Variants in BAP1 observed in about 807,000 individuals in gnomAD.
The protein encoded by BAP1 is ubiquitin carboxyl-terminal hydrolase BAP1.
In BAP1, 16 loss-of-function variants were observed where a neutral mutation model predicts 77.2. That is an observed-to-expected ratio of 0.21 (90% CI 0.14 to 0.31). BAP1 has a LOEUF of 0.31. BAP1 is among the 10% of genes least tolerant of loss of function. The pLI, the probability that BAP1 is intolerant of heterozygous loss-of-function variation, is 1.00. For missense variants in BAP1, 699 were observed against 967.3 expected, an observed-to-expected ratio of 0.72 and a Z score of 3.68; for synonymous variants, 362 against 385.2, an observed-to-expected ratio of 0.94 and a Z score of 0.71.
Position 52,406,922 on chromosome 3 carries a change from G to T in BAP1, c.581-15C>A. The T allele has an allele frequency of 6.4e-7, 1 of 1,567,258 alleles. No homozygotes were observed. ...CCCCCAGGGCCCTAGTGGAGACCAAGACAAGGAATCAGCGAGAAGGAAACC... is the reference window on the plus strand; with the variant it reads ...CCCCCAGGGCCCTAGTGGAGACCAATACAAGGAATCAGCGAGAAGGAAACC... On this transcript the variant is annotated splice_polypyrimidine_tract_variant and intron_variant, in intron 7 of 16. Transcript: ENST00000460680. The surrounding 1 kb of genome is among the most constrained non-coding windows in gnomAD (Gnocchi z 4.6).
Position 52,405,778 on chromosome 3 carries a change from C to G in BAP1, c.918G>C (p.Glu306Asp), listed in dbSNP as rs1245360859. Reference protein sequence around the residue: ...LEANRAPAASEGNHTDGAEEA... With the variant: ...LEANRAPAASDGNHTDGAEEA... ...ACCCCCCAGTACCTGTGTGGTTGCC[C>G]TCAGAGGCTGCAGGGGCCCTGTTTG... The change falls in exon 10 of 17, where the codon GAG becomes GAC. Residue 306 changes from glutamate to aspartate, a missense_variant. By Grantham distance (45) the Glu-to-Asp change is conservative (BLOSUM62 2). This residue lies in a region of BAP1 where 475 missense variants were observed against 532.4 expected (regional missense o/e 0.89). Coordinates refer to ENST00000460680, the MANE Select transcript of BAP1 (RefSeq NM_004656.4). 2 of 1,613,342 alleles carry G rather than the reference C, an allele frequency of 1.2e-6. No individual in the cohort carries two copies.
rs755915077 is a variant in BAP1 at position 52,402,819 on chromosome 3, G to A, written c.1943C>T (p.Ala648Val). 6.2e-6 allele frequency: 10 copies of A among 1,614,028 alleles called. No individual in the cohort carries two copies. Among genetic ancestry groups the A allele is most frequent in the African/African-American group, 2.7e-5 (2 of 74,894 alleles). ...CVEAEIANYE[A>V]CLKEEVEKRK... ...CTTCTCTACCTCCTCCTTGAGGCACGCCTCATAGTTTGCAATCTCAGCCTC... is the reference window on the plus strand; with the variant it reads ...CTTCTCTACCTCCTCCTTGAGGCACACCTCATAGTTTGCAATCTCAGCCTC... Residue 648 changes from alanine to valine, a missense_variant, in exon 15 of 17, where the codon GCG becomes GTG. By Grantham distance (64) the Ala-to-Val change is moderately conservative. Coordinates refer to ENST00000460680, the MANE Select transcript of BAP1 (RefSeq NM_004656.4). The surrounding 1 kb of genome is among the most constrained non-coding windows in gnomAD (Gnocchi z 5.3).
rs1705322208 is a variant in BAP1 at position 52,409,914 on chromosome 3, G to A, written c.-36C>T. 2 of 1,600,950 alleles carry A rather than the reference G, an allele frequency of 1.2e-6. No homozygotes were observed. The highest frequency in any genetic ancestry group is 1.1e-5 in the South Asian group (1 of 90,888). ...GGCGGCCCCTCAGCGCCATGTCCAG[G>A]CCCTCCCTCCCCACCGCTGCCCCCA... On this transcript the variant is annotated 5_prime_UTR_variant, in exon 1 of 17. Coordinates refer to ENST00000460680, the MANE Select transcript of BAP1 (RefSeq NM_004656.4).
At chr3:52,409,299 A>C (rs1298007411) in intron 3 of BAP1, among the ~76,000 whole-genome samples, 1 of 152,266 alleles carries the variant, frequency 6.6e-6, no homozygotes, top group Non-Finnish European at 1.5e-5. Context: ...CTGCAAGGCC[A>C]GGAAAGCAGC....
rs1360711033 is a variant in BAP1 at position 52,406,380 on chromosome 3, C to G, written c.660-4G>C. 1 of 1,612,826 alleles carries G rather than the reference C, an allele frequency of 6.2e-7. No individual in the cohort carries two copies. Among genetic ancestry groups the G allele is most frequent in the South Asian group, 1.1e-5 (1 of 90,998 alleles). On this transcript the variant is annotated splice_polypyrimidine_tract_variant and splice_region_variant and intron_variant, in intron 8 of 16. Transcript: ENST00000460680. This position sits in a 1 kb window ranked among gnomAD's most constrained non-coding sequence, Gnocchi z 4.6. The stretch of plus-strand genomic sequence containing the variant: ...GCGGATGTCGTGGTAGGGCTCCCTG[C>G]AGTCACAGCCGCAGCCGTGAGAGCA...
chr3:52,405,492 GAAAAAAAAAA>G (rs71084182), intron 10 of BAP1, 198 bp from the exon 11 acceptor site: 22 of 81,312 alleles, frequency 2.7e-4, no homozygotes, highest in Middle Eastern at 5.4e-3. Flanking sequence ...GAAGCAGGAA[GAAAAAAAAAA>G]AAAAAAAAAA....
At position 52,408,352 on chromosome 3, in the gene BAP1, T is replaced by C. The variant is rs1705231618; in HGVS notation, c.255+122A>G. The C allele has an allele frequency of 2.7e-6, 4 of 1,469,624 alleles. No homozygotes were observed. In the African/African-American group the frequency reaches 4.2e-5, roughly 15 times the overall value. 91.0% of individuals were successfully genotyped at this position (1,469,624 alleles called of 1,614,324 possible). A position where few individuals can be genotyped will look rare whatever the true frequency, so the allele number is the denominator to read the frequency against. On this transcript the variant is annotated intron_variant, in intron 4 of 16. Coordinates refer to ENST00000460680, the MANE Select transcript of BAP1 (RefSeq NM_004656.4). ...GAGTTCAGTTCGTTCTGCCAGAGGA[T>C]TTCTGTAGCTACCACCCCTAGAATC...
Position 52,402,627 on chromosome 3 carries a change from G to A in BAP1, c.2031C>T (p.Thr677=), listed in dbSNP as rs749373585. ...CTTCCTGAGCCAGCATGGAGATAAAGGTGCAGATGAACTCATCGTAGTTGT... is the reference window on the plus strand; with the variant it reads ...CTTCCTGAGCCAGCATGGAGATAAAAGTGCAGATGAACTCATCGTAGTTGT... The part of the protein sequence containing the change: ...RTHNYDEFIC[T]FISMLAQEGM... The change falls in exon 16 of 17, where the codon ACC becomes ACT. Residue 677 remains threonine (T), a synonymous_variant. Coordinates refer to ENST00000460680, the MANE Select transcript of BAP1 (RefSeq NM_004656.4). This position sits in a 1 kb window ranked among gnomAD's most constrained non-coding sequence, Gnocchi z 5.3. The A allele has an allele frequency of 1.9e-6, 3 of 1,614,194 alleles. No homozygotes were observed. The highest frequency in any genetic ancestry group is 2.2e-5 in the East Asian group (1 of 44,888).
rs2153226389 is a variant in BAP1, at chr3:52,402,969, T to C, written c.1891-98A>G. On this transcript the variant is annotated intron_variant, in intron 14 of 16. Coordinates refer to ENST00000460680, the MANE Select transcript of BAP1 (RefSeq NM_004656.4). The surrounding 1 kb of genome is among the most constrained non-coding windows in gnomAD (Gnocchi z 5.3). ...GAGGCAAGGATGAGCAGCGAGTCCA[T>C]GCCTATCAAGGCCCCTGCCACCACC... The C allele has an allele frequency of 1.2e-6, 2 of 1,603,790 alleles. No individual in the cohort carries two copies. The highest frequency in any genetic ancestry group is 4.5e-5 in the East Asian group (2 of 44,852).
intron 7 of BAP1, 90 bp downstream of exon 7, chr3:52,407,084 A>C (rs1559590376): frequency 1.2e-5 from 19 of 1,597,676 alleles, no homozygotes; most frequent in Non-Finnish European, 1.4e-5. Context: ...AACCCCTGCC[A>C]CTGGGTACCA....
In BAP1 at chr3:52,403,370, C is replaced by T. The variant is rs1300399509; in HGVS notation, c.1729+46G>A. The T allele has an allele frequency of 6.2e-7, 1 of 1,612,164 alleles. No individual in the cohort carries two copies. The highest frequency in any genetic ancestry group is 8.5e-7 in the Non-Finnish European group (1 of 1,179,374). On this transcript the variant is annotated intron_variant, in intron 13 of 16. Transcript: ENST00000460680. This position sits in a 1 kb window ranked among gnomAD's most constrained non-coding sequence, Gnocchi z 4.0. ...GTGGTCACTTGGCCACTTCCCTCCT[C>T]CCTCCTGGGTGCACCAAGTGGCCAG...
intron 3 of BAP1, 44 bp downstream of exon 3, chr3:52,409,510 A>C: frequency 6.2e-7 from 1 of 1,612,346 alleles, no homozygotes; most frequent in Non-Finnish European, 8.5e-7. Flanking sequence ...GACCTTCCCC[A>C]GCACTCTGGG....
chr3:52,405,754 C>T lies in BAP1; in HGVS notation c.931+11G>A, dbSNP rs1553645438. 1.9e-6 allele frequency: 3 copies of T among 1,612,612 alleles called. No individual in the cohort carries two copies. The highest frequency in any genetic ancestry group is 4.5e-5 in the East Asian group (2 of 44,882). On this transcript the variant is annotated intron_variant, in intron 10 of 16. Transcript: ENST00000460680. ...TCTGAGGTCCACAAGAGGTCCCAAACCCCCCAGTACCTGTGTGGTTGCCCT... is the reference window on the plus strand; with the variant it reads ...TCTGAGGTCCACAAGAGGTCCCAAATCCCCCAGTACCTGTGTGGTTGCCCT...
In BAP1 at chr3:52,401,076, C is replaced by A. The variant is rs1704937553; in HGVS notation, c.*1212G>T. 2 of 232,502 alleles carry A rather than the reference C, an allele frequency of 8.6e-6. No individual in the cohort carries two copies. Among genetic ancestry groups the A allele is most frequent in the East Asian group, 1.2e-4 (2 of 16,330 alleles). The allele number at this position is 232,502 out of a possible 1,614,324, so 14.4% of individuals were successfully genotyped here. A position where few individuals can be genotyped will look rare whatever the true frequency, so the allele number is the denominator to read the frequency against. The stretch of plus-strand genomic sequence containing the variant: ...CAGTATTTACAGGGGCTAGAGGGGT[C>A]AAGCTGTGCTCAGCCCAGAGGCAGC... On this transcript the variant is annotated 3_prime_UTR_variant, in exon 17 of 17. Coordinates refer to ENST00000460680, the MANE Select transcript of BAP1 (RefSeq NM_004656.4).
rs2153226627 is a variant in BAP1 at position 52,403,509 on chromosome 3, A to G, written c.1636T>C (p.Tyr546His). Residue 546 changes from tyrosine (Y) to histidine (H), a missense_variant, in exon 13 of 17, where the codon TAC becomes CAC. Transcript: ENST00000460680. The surrounding 1 kb of genome is among the most constrained non-coding windows in gnomAD (Gnocchi z 4.0). ...DSLLRVDCIR[Y>H]NRAVRDLGPV... ...CCCAGATCACGGACAGCACGGTTGT[A>G]GCGTATGCAGTCAACACGCAGCAGG... 6.2e-7 allele frequency: 1 copy of G among 1,614,054 alleles called. No individual in the cohort carries two copies. Among genetic ancestry groups the G allele is most frequent in the South Asian group, 1.1e-5 (1 of 91,086 alleles).
rs763735807 is a variant in BAP1 at position 52,403,807 on chromosome 3, G to A, written c.1338C>T (p.Asn446=). ...QLSVLQPNTI[N]VLAEKLKESQ... ...ACTCTTTGAGCTTCTCAGCCAAGAC[G>A]TTGATGGTGTTGGGCTGCAGCACTG... Residue 446 remains asparagine (N), a synonymous_variant, in exon 13 of 17, where the codon AAC becomes AAT. Transcript: ENST00000460680. This position sits in a 1 kb window ranked among gnomAD's most constrained non-coding sequence, Gnocchi z 4.0. The A allele has an allele frequency of 3.9e-5, 63 of 1,614,004 alleles. No individual in the cohort carries two copies. The East Asian group carries it at 5.3e-4, about 14-fold the overall frequency.
rs1704983938 is a variant in BAP1, at chr3:52,402,355, C to T, written c.2123G>A (p.Arg708Gln). Residue 708 changes from arginine (R) to glutamine (Q), a missense_variant, in exon 17 of 17, where the codon CGG (arginine) becomes CAG (glutamine). Transcript: ENST00000460680. This position sits in a 1 kb window ranked among gnomAD's most constrained non-coding sequence, Gnocchi z 5.3. Reference sequence around the variant, plus strand: ...GTCAGGCTTCCGCTGCTTGTGGAGCCGGCCGATGCTGACCCCTTGGCGCCG... The same window carrying T: ...GTCAGGCTTCCGCTGCTTGTGGAGCTGGCCGATGCTGACCCCTTGGCGCCG... ...VRRRQGVSIGRLHKQRKPDRR... is the reference protein window; with the variant it reads ...VRRRQGVSIGQLHKQRKPDRR... 2 of 1,583,096 alleles carry T rather than the reference C, an allele frequency of 1.3e-6. No homozygotes were observed. The highest frequency in any genetic ancestry group is 1.7e-6 in the Non-Finnish European group (2 of 1,165,996).
At chr3:52,407,929 T>C in intron 5 of BAP1, 29 bp downstream of exon 5, 1 of 1,612,776 alleles carries the variant, frequency 6.2e-7, no homozygotes, top group Non-Finnish European at 8.5e-7. Flanking sequence ...CAGTTGGCTG[T>C]GAGCCAGGAT....
At position 52,402,114 on chromosome 3, in the gene BAP1, G is replaced by C. The variant is rs1490351119; in HGVS notation, c.*174C>G. 5 of 1,154,666 alleles carry C rather than the reference G, an allele frequency of 4.3e-6. No individual in the cohort carries two copies. The highest frequency in any genetic ancestry group is 6.1e-6 in the Non-Finnish European group (5 of 825,946). 71.5% of individuals were successfully genotyped at this position (1,154,666 alleles called of 1,614,324 possible). On this transcript the variant is annotated 3_prime_UTR_variant, in exon 17 of 17. Transcript: ENST00000460680. This position sits in a 1 kb window ranked among gnomAD's most constrained non-coding sequence, Gnocchi z 5.3. Reference sequence around the variant, plus strand: ...GAGCACTATGGGGCTGATCTGCCGTGTCAGGCCTCAGGGCACGATGGAAGG... The same window carrying C: ...GAGCACTATGGGGCTGATCTGCCGTCTCAGGCCTCAGGGCACGATGGAAGG...
Sources: allele counts gnomAD v4.1 joint callset (sites outside exome capture counted in the v4.1 genomes callset), GRCh38; gene constraint gnomAD v4.1.1; regional missense constraint gnomAD v4.1.1; non-coding constraint Gnocchi (gnomAD v3.1); transcripts MANE v1.5; gene names NCBI Gene and HGNC (gene_info 2026-07-23, HGNC 2026-07-21).